Variants in GLMN observed in about 807,000 individuals in gnomAD.
The protein encoded by GLMN is glomulin, FKBP associated protein, also known as glomulin.
A neutral mutation model predicts 87.8 loss-of-function variants in GLMN; 75 were observed. The ratio of observed to expected loss-of-function variants is 0.85; its 90% CI spans 0.71 to 1.04. The LOEUF (loss-of-function observed/expected upper bound fraction) is 1.04. Among genes scored for constraint, GLMN ranks in the 50% least tolerant of loss-of-function variants. GLMN has a pLI of 0.00. For missense variants in GLMN, 588 were observed against 658.8 expected (o/e 0.89, Z 1.18); for synonymous variants, 206 against 221.6 (o/e 0.93, Z 0.63).
chr1:92,299,088 T>C (rs978008906), upstream of GLMN: 7 of 1,516,432 alleles, frequency 4.6e-6, no homozygotes, highest in African/African-American at 7.0e-5. Context: ...CGGACTTCGC[T>C]GGGCCGTCTT....
chr1:92,311,679 A>C, the GLMN span, among the ~76,000 whole-genome samples: 1 of 152,338 alleles, frequency 6.6e-6, no homozygotes, highest in East Asian at 1.9e-4. Context: ...AAGTACAGGC[A>C]TATCTTGGAG....
At chr1:92,322,914 A>AT in the GLMN span, among the ~76,000 whole-genome samples, 4 of 147,598 alleles carry the variant, frequency 2.7e-5, no homozygotes, top group South Asian at 8.4e-4. Flanking sequence ...CATATTATAT[A>AT]TTTTTTAAAC....
At chr1:92,340,629 A>C in the GLMN span, among the ~76,000 whole-genome samples, 31 of 152,334 alleles carry the variant, frequency 2.0e-4, no homozygotes, top group African/African-American at 7.5e-4. Flanking sequence ...TTGGGCTCAG[A>C]CATTAGTATT....
chr1:92,347,229 C>G, the GLMN span, among the ~76,000 whole-genome samples: 1 of 152,168 alleles, frequency 6.6e-6, no homozygotes, highest in Non-Finnish European at 1.5e-5. Context: ...ATTCAGTGTT[C>G]CAGCTGAATT....
the GLMN span, among the ~76,000 whole-genome samples, chr1:92,322,193 G>C: frequency 1.3e-5 from 2 of 151,434 alleles, no homozygotes; most frequent in African/African-American, 4.8e-5. Flanking sequence ...TGACCCACCT[G>C]CCTTGGCCTC....
chr1:92,300,390 A>C, upstream of GLMN: 1 of 644,244 alleles, frequency 1.6e-6, no homozygotes, highest in Non-Finnish European at 2.7e-6. Context: ...ATAAATTCTC[A>C]CATAGACTGT....
the GLMN span, chr1:92,324,075 T>A: frequency 6.2e-7 from 1 of 1,614,048 alleles, no homozygotes; most frequent in East Asian, 2.2e-5. Context: ...CATTGAGGTT[T>A]TTGTATGGCC....
intron 6 of GLMN, among the ~76,000 whole-genome samples, chr1:92,287,185 G>C (rs1226645794): frequency 6.6e-6 from 1 of 152,016 alleles, no homozygotes; most frequent in African/African-American, 2.4e-5. Context: ...CTATGATGTT[G>C]TTTTCATTAG....
intron 7 of GLMN, among the ~76,000 whole-genome samples, chr1:92,280,847 C>G (rs1308664165): frequency 6.6e-6 from 1 of 152,050 alleles, no homozygotes; most frequent in Non-Finnish European, 1.5e-5. Context: ...CCGATTTGAT[C>G]AAGTGGAAGA....
chr1:92,304,127 A>G, the GLMN span: 9 of 1,379,954 alleles, frequency 6.5e-6, no homozygotes, highest in Admixed American at 1.9e-5. Flanking sequence ...TTCATTTAGC[A>G]AAATACTTTG....
At chr1:92,288,281 C>T (rs1014807886) in intron 6 of GLMN, among the ~76,000 whole-genome samples, 2 of 152,032 alleles carry the variant, frequency 1.3e-5, no homozygotes, top group Non-Finnish European at 2.9e-5. Flanking sequence ...CACAATTTCT[C>T]CACAGAGCTA....
intron 7 of GLMN, among the ~76,000 whole-genome samples, chr1:92,285,094 C>T (rs895059349): frequency 6.6e-6 from 1 of 152,092 alleles, no homozygotes; most frequent in South Asian, 2.1e-4. Context: ...TACCATTTGA[C>T]CCAGCCATCC....
At chr1:92,352,229 C>T in the GLMN span, among the ~76,000 whole-genome samples, 1 of 152,180 alleles carries the variant, frequency 6.6e-6, no homozygotes, top group Non-Finnish European at 1.5e-5. Context: ...TCTCTAAAAG[C>T]TTTGAGTATT....
At chr1:92,299,080 G>A (rs1241810738), upstream of GLMN, 26 of 1,508,448 alleles carry the variant, frequency 1.7e-5, no homozygotes, top group Non-Finnish European at 2.3e-5. Context: ...CCCCATGGCG[G>A]ACTTCGCTGG....
chr1:92,342,409 A>G, the GLMN span, among the ~76,000 whole-genome samples: 67 of 152,322 alleles, frequency 4.4e-4, no homozygotes, highest in African/African-American at 1.6e-3. Flanking sequence ...ATGTGGTCAG[A>G]GAAGTATGGG....
At chr1:92,328,963 A>G in the GLMN span, among the ~76,000 whole-genome samples, 1 of 152,190 alleles carries the variant, frequency 6.6e-6, no homozygotes, top group African/African-American at 2.4e-5. Context: ...GGCGGGTACT[A>G]GGGAGTGTCT....
At chr1:92,340,666 T>C in the GLMN span, among the ~76,000 whole-genome samples, 1 of 152,210 alleles carries the variant, frequency 6.6e-6, no homozygotes, top group Non-Finnish European at 1.5e-5. Context: ...TAGATAATTC[T>C]AATAGGTAGC....
At chr1:92,342,583 A>G in the GLMN span, among the ~76,000 whole-genome samples, 3 of 152,220 alleles carry the variant, frequency 2.0e-5, no homozygotes, top group African/African-American at 4.8e-5. Flanking sequence ...CAAGTTGATA[A>G]TTACAACAGA....
the GLMN span, among the ~76,000 whole-genome samples, chr1:92,361,807 C>T: frequency 1.3e-5 from 2 of 151,960 alleles, no homozygotes; most frequent in Non-Finnish European, 2.9e-5. Context: ...TGATTCAAAA[C>T]TTTATTCCAA....
Sources: allele counts gnomAD v4.1 joint callset (sites outside exome capture counted in the v4.1 genomes callset), GRCh38; gene constraint gnomAD v4.1.1; transcripts MANE v1.5; gene names NCBI Gene and HGNC (gene_info 2026-07-23, HGNC 2026-07-21).